COMMD1: variants seen among roughly 807,000 people sequenced by gnomAD.
COMMD1 encodes the protein COMM domain-containing protein 1.
COMMD1 carries 10 observed loss-of-function variants against 17.2 expected under a neutral mutation model. The ratio of observed to expected loss-of-function variants is 0.58; its 90% CI spans 0.36 to 0.99. COMMD1 has a LOEUF of 0.99. Ranked by LOEUF, COMMD1 falls within the 50% of genes least tolerant of loss-of-function variation. The pLI is 0.01. For synonymous variants in COMMD1, 97 were observed against 91.6 expected, an observed-to-expected ratio of 1.06 and a Z score of -0.34; for missense variants, 270 against 231.8, an observed-to-expected ratio of 1.17 and a Z score of -1.07.
intron 1 of COMMD1, among the ~76,000 whole-genome samples, chr2:61,979,595 C>T (rs867964991): frequency 1.6e-4 from 24 of 152,214 alleles, no homozygotes; most frequent in Admixed American, 7.9e-4. Flanking sequence ...TGTGAGCCAC[C>T]GCGCCCGGCC....
intron 1 of COMMD1, among the ~76,000 whole-genome samples, chr2:61,972,988 A>C (rs572494955): frequency 1.3e-5 from 2 of 152,158 alleles, no homozygotes; most frequent in East Asian, 3.9e-4. Flanking sequence ...AATTTCATAT[A>C]AGTAGTATAC....
At chr2:62,102,388 C>G (rs1672209549) in intron 2 of COMMD1, among the ~76,000 whole-genome samples, 1 of 152,208 alleles carries the variant, frequency 6.6e-6, no homozygotes, top group South Asian at 2.1e-4. Context: ...TTAATTCCTC[C>G]TGTCAGACTT....
intron 2 of COMMD1, among the ~76,000 whole-genome samples, chr2:62,073,079 C>T (rs1032021117): frequency 6.6e-6 from 1 of 152,236 alleles, no homozygotes; most frequent in African/African-American, 2.4e-5. Flanking sequence ...CCTGTGTGGA[C>T]CGCCACATGG....
chr2:61,899,009 G>T (rs1190817503), intron 1 of COMMD1, among the ~76,000 whole-genome samples: 1 of 152,170 alleles, frequency 6.6e-6, no homozygotes, highest in Non-Finnish European at 1.5e-5. Context: ...GCCCCTGGTG[G>T]CACAGGAATT....
At chr2:62,001,019 G>T (rs1668924802) in intron 2 of COMMD1, 37 bp downstream of exon 2, 2 of 1,587,382 alleles carry the variant, frequency 1.3e-6, no homozygotes, top group Non-Finnish European at 1.7e-6. Flanking sequence ...TTTGTAAACT[G>T]TATTTTTCAC....
At chr2:61,912,592 G>C (rs1669932144) in intron 1 of COMMD1, among the ~76,000 whole-genome samples, 1 of 152,150 alleles carries the variant, frequency 6.6e-6, no homozygotes, top group Non-Finnish European at 1.5e-5. Flanking sequence ...AAAATTAGCT[G>C]GGTGTGGTGG....
At chr2:62,023,483 G>A (rs1332660079) in intron 2 of COMMD1, among the ~76,000 whole-genome samples, 2 of 150,904 alleles carry the variant, frequency 1.3e-5, no homozygotes, top group Non-Finnish European at 2.9e-5. Context: ...AATATTTACT[G>A]TGGATTTTTT....
chr2:62,104,243 A>G (rs1355893361), intron 2 of COMMD1, among the ~76,000 whole-genome samples: 1 of 152,184 alleles, frequency 6.6e-6, no homozygotes, highest in Non-Finnish European at 1.5e-5. Flanking sequence ...TTATAATCCC[A>G]ACACTTTGGG....
At chr2:62,085,631 A>T (rs1671641511) in intron 2 of COMMD1, among the ~76,000 whole-genome samples, 1 of 152,080 alleles carries the variant, frequency 6.6e-6, no homozygotes, top group Non-Finnish European at 1.5e-5. Flanking sequence ...TGAGCCTAGG[A>T]GTTTGAGACC....
chr2:62,085,240 C>T (rs1377276895), intron 2 of COMMD1, among the ~76,000 whole-genome samples: 1 of 139,564 alleles, frequency 7.2e-6, no homozygotes, highest in Non-Finnish European at 1.5e-5. Context: ...TTTTTTGAGA[C>T]GGAGCCTTGC....
At chr2:62,134,778 A>G (rs961748940) in intron 2 of COMMD1, among the ~76,000 whole-genome samples, 5 of 151,936 alleles carry the variant, frequency 3.3e-5, no homozygotes, top group African/African-American at 1.2e-4. Flanking sequence ...AAAAAATCTT[A>G]TTTTTTGATA....
At position 62,086,428 on chromosome 2, in the gene COMMD1, G is replaced by C. The variant is rs201502756; in HGVS notation, c.463-49403G>C. On this transcript the variant is annotated intron_variant, in intron 2 of 2. Transcript: ENST00000311832. Reference sequence around the variant, plus strand: ...GGGAAGGCTGAGGCAGGAGAATCGCGTGAACCCGGGAGGCGGAGCTTGCAG... The same window carrying C: ...GGGAAGGCTGAGGCAGGAGAATCGCCTGAACCCGGGAGGCGGAGCTTGCAG... 1.1e-3 allele frequency among the ~76,000 whole-genome samples: 159 copies of C among 150,836 alleles called. 4 individuals carry two copies. The East Asian group carries it at 0.029, about 27-fold the overall frequency.
chr2:62,075,532 C>G (rs1479038301), intron 2 of COMMD1, among the ~76,000 whole-genome samples: 1 of 152,200 alleles, frequency 6.6e-6, no homozygotes, highest in Non-Finnish European at 1.5e-5. Context: ...TCAATTATCT[C>G]TGGATATAAT....
At chr2:61,902,430 C>T (rs1002964870), upstream of COMMD1, among the ~76,000 whole-genome samples, 10 of 151,650 alleles carry the variant, frequency 6.6e-5, no homozygotes, top group African/African-American at 2.4e-4. Flanking sequence ...CGTTTGAACC[C>T]GGGAGGCGGA....
At chr2:61,988,035 A>C (rs1672150716) in intron 1 of COMMD1, among the ~76,000 whole-genome samples, 1 of 152,082 alleles carries the variant, frequency 6.6e-6, no homozygotes, top group Non-Finnish European at 1.5e-5. Flanking sequence ...AATGCTTCCA[A>C]ATCTGCAACT....
At chr2:62,001,485 T>C (rs1035492624) in intron 2 of COMMD1, among the ~76,000 whole-genome samples, 1 of 152,230 alleles carries the variant, frequency 6.6e-6, no homozygotes, top group African/African-American at 2.4e-5. Context: ...TTTAATCTTA[T>C]GTACAGTGCT....
intron 2 of COMMD1, among the ~76,000 whole-genome samples, chr2:62,029,422 T>G (rs1453801602): frequency 6.6e-6 from 1 of 152,080 alleles, no homozygotes; most frequent in African/African-American, 2.4e-5. Context: ...ATATATATAA[T>G]GTATCCATTA....
chr2:61,963,101 A>G lies in COMMD1; in HGVS notation c.181-37600A>G, dbSNP rs566961950. Among the ~76,000 whole-genome samples the G allele has an allele frequency of 1.7e-4, 25 of 151,376 alleles. No individual in the cohort carries two copies. The South Asian group carries it at 5.2e-3, about 32-fold the overall frequency. On this transcript the variant is annotated intron_variant, in intron 1 of 2. Coordinates refer to ENST00000311832, the MANE Select transcript of COMMD1 (RefSeq NM_152516.4). ...CTTGAACCCAGGAGGCGGAGGTTAC[A>G]GTGAGCCGAGATCATGCCACTGTGC...
chr2:61,960,391 C>G (rs1271854467), intron 1 of COMMD1, among the ~76,000 whole-genome samples: 1 of 152,016 alleles, frequency 6.6e-6, no homozygotes, highest in Admixed American at 6.6e-5. Context: ...CACTAACCTT[C>G]GAGTACAAGG....
Sources: gnomAD v4.1 joint callset for allele counts (sites outside exome capture counted in the v4.1 genomes callset) on GRCh38, gnomAD v4.1.1 for gene constraint, MANE v1.5 for transcripts, NCBI Gene and HGNC (gene_info 2026-07-23, HGNC 2026-07-21) for gene names.